ACADSB: variants seen among roughly 807,000 people sequenced by gnomAD.
The protein encoded by ACADSB is short/branched chain specific acyl-CoA dehydrogenase, mitochondrial.
ACADSB carries 40 observed loss-of-function variants against 54.1 expected under a neutral mutation model. The observed-to-expected ratio is 0.74, with a 90% CI of 0.57 to 0.96. The LOEUF is 0.96. Ranked by LOEUF, ACADSB falls within the 40% of genes least tolerant of loss-of-function variation. ACADSB has a pLI of 0.00. For missense variants in ACADSB, 530 were observed against 510.4 expected, an observed-to-expected ratio of 1.04 and a Z score of -0.37; for synonymous variants, 182 against 182.8, an observed-to-expected ratio of 1.00 and a Z score of 0.03.
intron 1 of ACADSB, among the ~76,000 whole-genome samples, chr10:123,026,759 A>G (rs934944902): frequency 1.3e-5 from 2 of 152,152 alleles, no homozygotes; most frequent in Non-Finnish European, 2.9e-5. Flanking sequence ...AATAGGATAC[A>G]TAGTATGCTA....
intron 6 of ACADSB, 139 bp downstream of exon 6, chr10:123,043,310 A>G (rs1850500830): frequency 1.9e-6 from 2 of 1,064,216 alleles, no homozygotes; most frequent in Non-Finnish European, 2.8e-6. Context: ...AACCCTGAAC[A>G]GCGCTCTTTA....
chr10:123,025,875 A>G (rs1213778759), intron 1 of ACADSB, among the ~76,000 whole-genome samples: 1 of 152,196 alleles, frequency 6.6e-6, no homozygotes, highest in East Asian at 1.9e-4. Flanking sequence ...AGCCTGGCCA[A>G]CGTGGTGAAA....
chr10:123,022,220 C>T (rs1252149041), intron 1 of ACADSB, among the ~76,000 whole-genome samples: 1 of 152,198 alleles, frequency 6.6e-6, no homozygotes, highest in African/African-American at 2.4e-5. Flanking sequence ...GGTAACCTCC[C>T]AGGTTCTCAG....
intron 4 of ACADSB, 106 bp from the exon 5 acceptor site, chr10:123,041,103 A>C: frequency 8.0e-7 from 1 of 1,247,180 alleles, no homozygotes; most frequent in Non-Finnish European, 1.1e-6. Context: ...CTTTTTAAAA[A>C]AGCAGCTAAA....
At position 123,032,956 on chromosome 10, in the gene ACADSB, C is replaced by G. The variant is rs148414647; in HGVS notation, c.43-1400C>G. On this transcript the variant is annotated intron_variant, in intron 1 of 10. Transcript: ENST00000358776. ...TGCCAGCTGCCACTGACCATTCTCT[C>G]CTGCTGCTGCTAGCAGCGTTCTTCC... 4.5e-3 allele frequency among the ~76,000 whole-genome samples: 692 copies of G among 152,296 alleles called. 5 individuals are homozygous for G. The highest frequency in any genetic ancestry group is 0.013 in the East Asian group (65 of 5,164).
chr10:123,044,952 GAAATA>G (rs1163145442), intron 7 of ACADSB, among the ~76,000 whole-genome samples: 4 of 151,388 alleles, frequency 2.6e-5, no homozygotes, highest in Non-Finnish European at 5.9e-5. Context: ...GGCGGCACAT[GAAATA>G]AAATAGCCAC....
chr10:123,033,932 G>T (rs907069794), intron 1 of ACADSB, among the ~76,000 whole-genome samples: 2 of 152,190 alleles, frequency 1.3e-5, no homozygotes, highest in Non-Finnish European at 2.9e-5. Flanking sequence ...GTCCTCCCCA[G>T]CTCCCTGGGC....
At chr10:123,009,532 T>A (rs1849975467) in intron 1 of ACADSB, among the ~76,000 whole-genome samples, 1 of 152,194 alleles carries the variant, frequency 6.6e-6, no homozygotes, top group Non-Finnish European at 1.5e-5. Flanking sequence ...AGCAGGTGTC[T>A]CCCTGTCCTT....
chr10:123,034,346 T>C lies in ACADSB; in HGVS notation c.43-10T>C, dbSNP rs771655637. Reference sequence around the variant, plus strand: ...AGTACCTTTCTTTCATGTGTGTATGTTCCCTACAGCTAAGAAGAAATTTCC... The same window carrying C: ...AGTACCTTTCTTTCATGTGTGTATGCTCCCTACAGCTAAGAAGAAATTTCC... On this transcript the variant is annotated splice_polypyrimidine_tract_variant and intron_variant, in intron 1 of 10. Transcript: ENST00000358776. 2 of 1,613,106 alleles carry C rather than the reference T, an allele frequency of 1.2e-6. No individual in the cohort carries two copies. Among genetic ancestry groups the C allele is most frequent in the Admixed American group, 3.3e-5 (2 of 60,028 alleles).
intron 8 of ACADSB, 152 bp from the exon 9 acceptor site, chr10:123,050,897 A>T: frequency 1.4e-6 from 1 of 705,846 alleles, no homozygotes; most frequent in Non-Finnish European, 2.3e-6. Flanking sequence ...ATTTTAGATT[A>T]CTCATTTTAA....
chr10:123,045,157 ATATATATATATATATTTTTTTTTT>A (rs1850540517), intron 7 of ACADSB, among the ~76,000 whole-genome samples: 1 of 12,696 alleles, frequency 7.9e-5, no homozygotes, highest in Non-Finnish European at 1.5e-4. Flanking sequence ...ATATATATAT[ATATATATATATATATTTTTTTTTT>A]TTTTTTTTTT....
At chr10:123,050,328 G>T (rs1298529800) in intron 8 of ACADSB, among the ~76,000 whole-genome samples, 1 of 152,210 alleles carries the variant, frequency 6.6e-6, no homozygotes, top group Non-Finnish European at 1.5e-5. Context: ...AATGTTCAGT[G>T]TGCTGCCTCT....
At position 123,042,909 on chromosome 10, in the gene ACADSB, A is replaced by G. The variant is rs77322086; in HGVS notation, c.682-137A>G. ...TGTCCTCTAGCTGCTCTCGTTTCAT[A>G]ATGCCCATGTTGCAATTCTGAGTCC... On this transcript the variant is annotated intron_variant, in intron 5 of 10. Transcript: ENST00000358776. The G allele has an allele frequency of 3.0e-3, 2,744 of 906,130 alleles. 46 individuals carry two copies. The African/African-American group carries it at 0.04, about 13-fold the overall frequency. 56.1% of individuals were successfully genotyped at this position (906,130 alleles called of 1,614,324 possible). A position where few individuals can be genotyped will look rare whatever the true frequency, so the allele number is the denominator to read the frequency against.
intron 7 of ACADSB, among the ~76,000 whole-genome samples, chr10:123,045,877 G>C (rs978665934): frequency 6.6e-6 from 1 of 152,144 alleles, no homozygotes; most frequent in Non-Finnish European, 1.5e-5. Context: ...TTAAGATCAG[G>C]TAGTTACTAT....
intron 6 of ACADSB, among the ~76,000 whole-genome samples, chr10:123,043,481 G>A (rs1425003937): frequency 6.6e-6 from 1 of 152,190 alleles, no homozygotes; most frequent in Non-Finnish European, 1.5e-5. Flanking sequence ...AACCAAATGG[G>A]GCCGCAGAGA....
At chr10:123,011,130 A>G (rs983803757) in intron 1 of ACADSB, among the ~76,000 whole-genome samples, 1 of 152,166 alleles carries the variant, frequency 6.6e-6, no homozygotes, top group Non-Finnish European at 1.5e-5. Context: ...TGTGGACACA[A>G]GTGGCATGGA....
chr10:123,033,846 GA>G (rs570726447), intron 1 of ACADSB, among the ~76,000 whole-genome samples: 14 of 150,502 alleles, frequency 9.3e-5, no homozygotes, highest in African/African-American at 2.2e-4. Context: ...GTAAGATGCT[GA>G]AAAAAAAAAT....
chr10:123,041,593 A>G (rs1440898718), intron 5 of ACADSB, among the ~76,000 whole-genome samples: 1 of 152,202 alleles, frequency 6.6e-6, no homozygotes, highest in East Asian at 1.9e-4. Context: ...TTGGCCCACC[A>G]TATCTGTGGA....
Position 123,041,265 on chromosome 10 carries a change from G to T in ACADSB, c.567G>T (p.Lys189Asn). Residue 189 changes from lysine to asparagine, a missense_variant, in exon 5 of 11, where the codon AAG (lysine) becomes AAT (asparagine). Transcript: ENST00000358776. The stretch of plus-strand genomic sequence containing the variant: ...CAGGTAGTGACTCATTTGCTTTGAA[G>T]ACCAGAGCTGATAAAGAGGGAGATT... ...AGAGSDSFALKTRADKEGDYY... is the reference protein window; with the variant it reads ...AGAGSDSFALNTRADKEGDYY... The T allele has an allele frequency of 1.2e-6, 2 of 1,614,126 alleles. No individual in the cohort carries two copies. The highest frequency in any genetic ancestry group is 1.7e-6 in the Non-Finnish European group (2 of 1,180,022).
Sources: gnomAD v4.1 joint callset for allele counts (sites outside exome capture counted in the v4.1 genomes callset) on GRCh38, gnomAD v4.1.1 for gene constraint, MANE v1.5 for transcripts, NCBI Gene and HGNC (gene_info 2026-07-23, HGNC 2026-07-21) for gene names.